The following ZPLD1 variants were observed in gnomAD, a reference collection of about 807,000 sequenced individuals.
The protein encoded by ZPLD1 is zona pellucida like domain containing 1, also known as zona pellucida-like domain-containing protein 1.
ZPLD1 carries 34 observed loss-of-function variants against 47.2 expected under a neutral mutation model. The ratio of observed to expected loss-of-function variants is 0.72; its 90% CI spans 0.55 to 0.96. The LOEUF (loss-of-function observed/expected upper bound fraction) is 0.96, where lower values mean the gene tolerates loss of function less well. Ranked by LOEUF, ZPLD1 falls within the 40% of genes least tolerant of loss-of-function variation. ZPLD1 has a pLI of 0.00. For synonymous variants in ZPLD1, 176 were observed against 186.2 expected, an observed-to-expected ratio of 0.95 and a Z score of 0.45; for missense variants, 512 against 505.8, an observed-to-expected ratio of 1.01 and a Z score of -0.12.
chr3:102,445,519 C>T (rs968095957), intron 3 of ZPLD1, among the ~76,000 whole-genome samples: 3 of 152,206 alleles, frequency 2.0e-5, no homozygotes, highest in Non-Finnish European at 2.9e-5. Flanking sequence ...TGTGACTTAG[C>T]ACCTGAATTG....
In ZPLD1 at chr3:102,477,479, T is replaced by C; in HGVS notation, c.1109T>C (p.Ile370Thr). 1 of 1,613,362 alleles carries C rather than the reference T, an allele frequency of 6.2e-7. No individual in the cohort carries two copies. Among genetic ancestry groups the C allele is most frequent in the South Asian group, 1.1e-5 (1 of 90,958 alleles). ...ATGCCTCCCTTCCAGCTGAACGCCA[T>C]CACCAGCGCACTGATATCAGGAATG... ...PSMPPFQLNA[I>T]TSALISGMVI... Residue 370 changes from isoleucine to threonine, a missense_variant, in exon 12 of 12, where the codon ATC becomes ACC. Transcript: ENST00000466937.
At chr3:102,444,081 T>C (rs1170290620) in intron 3 of ZPLD1, among the ~76,000 whole-genome samples, 1 of 152,206 alleles carries the variant, frequency 6.6e-6, no homozygotes, top group African/African-American at 2.4e-5. Flanking sequence ...TAATTCAGGG[T>C]CCATATTCTC....
chr3:102,446,046 C>A (rs1227333210), intron 3 of ZPLD1, among the ~76,000 whole-genome samples: 1 of 152,102 alleles, frequency 6.6e-6, no homozygotes. Context: ...TCAAGATGAA[C>A]CCATATCAAC....
intron 3 of ZPLD1, among the ~76,000 whole-genome samples, chr3:102,448,144 A>G (rs1707285667): frequency 6.6e-6 from 1 of 152,204 alleles, no homozygotes; most frequent in Non-Finnish European, 1.5e-5. Context: ...GTTAATTTCT[A>G]TGAAAAGCTT....
intron 7 of ZPLD1, among the ~76,000 whole-genome samples, chr3:102,403,455 T>C (rs78916476): frequency 2.6e-5 from 4 of 151,994 alleles, no homozygotes; most frequent in African/African-American, 4.8e-5. Context: ...GGAGAAAGAA[T>C]CAGTGGAAGA....
intron 8 of ZPLD1, among the ~76,000 whole-genome samples, chr3:102,424,293 A>G (rs1706915324): frequency 6.6e-6 from 1 of 151,992 alleles, no homozygotes; most frequent in Non-Finnish European, 1.5e-5. Flanking sequence ...TTGTGAAAAA[A>G]TTTCCTCTAG....
At chr3:102,400,489 G>C (rs1406476969) in intron 7 of ZPLD1, among the ~76,000 whole-genome samples, 2 of 151,874 alleles carry the variant, frequency 1.3e-5, no homozygotes, top group Non-Finnish European at 2.9e-5. Flanking sequence ...GATAAGCCGG[G>C]GGTCCCTTTG....
chr3:102,420,974 A>T (rs1164487560), intron 8 of ZPLD1, among the ~76,000 whole-genome samples: 1 of 151,952 alleles, frequency 6.6e-6, no homozygotes, highest in Non-Finnish European at 1.5e-5. Context: ...AAGTATATTT[A>T]GTTTGATAAA....
Position 102,477,042 on chromosome 3 carries a change from G to T in ZPLD1, c.1072+1G>T, listed in dbSNP as rs759336829. 3 of 1,613,348 alleles carry T rather than the reference G, an allele frequency of 1.9e-6. No homozygotes were observed. Among genetic ancestry groups the T allele is most frequent in the Non-Finnish European group, 2.5e-6 (3 of 1,179,592 alleles). On this transcript the variant is annotated splice_donor_variant, in intron 11 of 11. Transcript: ENST00000466937. LOFTEE classifies it high-confidence loss of function. ...ACTCCAACCAACAATTCGCAACTTG[G>T]TAAGATAATTAACATATTTTGCAAT...
rs752214653 is a variant in ZPLD1, at chr3:102,470,357, C to T, written c.934-37C>T. On this transcript the variant is annotated intron_variant, in intron 9 of 11. Transcript: ENST00000466937. ...TGGCCATAAAGAAACAATTCTGCGC[C>T]GGTGTGGAATTTCATTTGTTTTCAT... 4.6e-6 allele frequency: 7 copies of T among 1,535,988 alleles called. No homozygotes were observed. In the Admixed American group the frequency reaches 1.2e-4, roughly 26 times the overall value.
Position 102,437,037 on chromosome 3 carries a change from C to T in ZPLD1, c.-9+64C>T, listed in dbSNP as rs564881433. On this transcript the variant is annotated intron_variant, in intron 2 of 11. Transcript: ENST00000466937. ...TCTTTTCTAGTGTCTTCCAAAGACT[C>T]CAAAAGAGCAAGACTGTCTTATTCT... 6 of 692,418 alleles carry T rather than the reference C, an allele frequency of 8.7e-6. No homozygotes were observed. In the South Asian group the frequency reaches 3.2e-4, roughly 37 times the overall value. 42.9% of individuals were successfully genotyped at this position (692,418 alleles called of 1,614,324 possible). A position where few individuals can be genotyped will look rare whatever the true frequency, so the allele number is the denominator to read the frequency against.
intron 7 of ZPLD1, among the ~76,000 whole-genome samples, chr3:102,412,388 T>A (rs1268861880): frequency 6.6e-6 from 1 of 151,720 alleles, no homozygotes; most frequent in Non-Finnish European, 1.5e-5. Context: ...AACTCCCACC[T>A]AGAGGATTAT....
At chr3:102,397,171 A>T (rs916348488) in intron 7 of ZPLD1, among the ~76,000 whole-genome samples, 8 of 152,036 alleles carry the variant, frequency 5.3e-5, no homozygotes, top group African/African-American at 1.2e-4. Flanking sequence ...TCAGAAAAAA[A>T]TTTTTGGATC....
intron 7 of ZPLD1, among the ~76,000 whole-genome samples, chr3:102,402,578 T>C (rs1236578326): frequency 6.6e-6 from 1 of 151,948 alleles, no homozygotes; most frequent in Non-Finnish European, 1.5e-5. Context: ...CTCAGTCTAT[T>C]TAAGGTAGTG....
intron 4 of ZPLD1, among the ~76,000 whole-genome samples, chr3:102,453,993 A>G (rs1053158752): frequency 6.6e-6 from 1 of 152,214 alleles, no homozygotes; most frequent in South Asian, 2.1e-4. Flanking sequence ...TCTTATTGGT[A>G]AATTTGCAAA....
At chr3:102,476,460 G>T (rs1452584873) in intron 10 of ZPLD1, among the ~76,000 whole-genome samples, 1 of 151,998 alleles carries the variant, frequency 6.6e-6, no homozygotes, top group Non-Finnish European at 1.5e-5. Context: ...CTACAACTCA[G>T]GCTCAGGAGT....
intron 3 of ZPLD1, among the ~76,000 whole-genome samples, chr3:102,441,179 T>C (rs367847679): frequency 2.6e-5 from 4 of 152,170 alleles, no homozygotes; most frequent in African/African-American, 9.7e-5. Context: ...AGAGAAGATC[T>C]GACTGGTGTG....
chr3:102,425,736 A>C (rs1413357848), intron 8 of ZPLD1, among the ~76,000 whole-genome samples: 1 of 152,014 alleles, frequency 6.6e-6, no homozygotes, highest in East Asian at 1.9e-4. Context: ...CTCATCCGGG[A>C]CACAAAAGCG....
rs112469037 is a variant in ZPLD1, at chr3:102,426,286, G to A, written c.-9+8079G>A. Among the ~76,000 whole-genome samples, 790 of 152,246 alleles carry A rather than the reference G, an allele frequency of 5.2e-3. 4 individuals carry two copies. Among genetic ancestry groups the A allele is most frequent in the Middle Eastern group, 0.027 (8 of 294 alleles). ...TAATCCCAGCACTTTGGGAGGCTGA[G>A]GCAGGTAGTTCGCCTGAGGTCAGTA... On this transcript the variant is annotated intron_variant, in intron 8 of 17. Coordinates refer to the ZPLD1 transcript ENST00000491959.
Sources: allele counts gnomAD v4.1 joint callset (sites outside exome capture counted in the v4.1 genomes callset), GRCh38; gene constraint gnomAD v4.1.1; transcripts MANE v1.5; gene names NCBI Gene and HGNC (gene_info 2026-07-23, HGNC 2026-07-21).